RGS8: variants seen among roughly 807,000 people sequenced by gnomAD.
The protein encoded by RGS8 is regulator of G protein signaling 8.
In RGS8, 8 loss-of-function variants were observed where a neutral mutation model predicts 21.7. That is an observed-to-expected ratio of 0.37 (90% CI 0.22 to 0.66). The LOEUF (loss-of-function observed/expected upper bound fraction) is 0.66, where lower values mean the gene tolerates loss of function less well. Ranked by LOEUF, RGS8 falls within the 30% of genes least tolerant of loss-of-function variation. The probability of loss-of-function intolerance (pLI) is 0.59; values close to 1 mark genes in which losing one functional copy is unlikely to be tolerated. For synonymous variants in RGS8, 80 were observed against 83.6 expected, an observed-to-expected ratio of 0.96 and a Z score of 0.24; for missense variants, 157 against 217.9, an observed-to-expected ratio of 0.72 and a Z score of 1.76.
the RGS8 span, among the ~76,000 whole-genome samples, chr1:182,700,342 A>G: frequency 6.6e-6 from 1 of 152,188 alleles, no homozygotes; most frequent in East Asian, 1.9e-4. Context: ...GACCCCCAAA[A>G]CATTCCCCGC....
the RGS8 span, among the ~76,000 whole-genome samples, chr1:182,739,761 C>A: frequency 6.6e-6 from 1 of 152,110 alleles, no homozygotes; most frequent in Non-Finnish European, 1.5e-5. Flanking sequence ...GGGCAGCCCA[C>A]CCAGAAGCCC....
intron 3 of RGS8, among the ~76,000 whole-genome samples, chr1:182,667,943 A>G (rs1663954371): frequency 6.6e-6 from 1 of 152,080 alleles, no homozygotes; most frequent in African/African-American, 2.4e-5. Flanking sequence ...CAGCCTCCTG[A>G]GTAGCCGGGA....
exon 4 of RGS8, chr1:182,666,881 C>T (rs748648363): frequency 1.5e-5 from 24 of 1,613,682 alleles, no homozygotes; most frequent in Admixed American, 1.3e-4. Context: ...CTTGAGAGCG[C>T]GGTTGGGTTT....
chr1:182,650,033 T>G (rs2102408916), intron 5 of RGS8, among the ~76,000 whole-genome samples: 1 of 151,782 alleles, frequency 6.6e-6, no homozygotes, highest in South Asian at 2.1e-4. Context: ...TGCCTCAGCC[T>G]CCCAAATAGC....
At chr1:182,727,329 T>C in the RGS8 span, among the ~76,000 whole-genome samples, 1 of 152,234 alleles carries the variant, frequency 6.6e-6, no homozygotes, top group Non-Finnish European at 1.5e-5. Flanking sequence ...AATGAGTTAA[T>C]CTAGAAAGAA....
At chr1:182,680,777 G>A (rs761093411) in intron 1 of RGS8, among the ~76,000 whole-genome samples, 9 of 152,168 alleles carry the variant, frequency 5.9e-5, no homozygotes, top group Non-Finnish European at 8.8e-5. Context: ...CACGGTCCCC[G>A]GCAACAGGAA....
rs986342012 is a variant in RGS8, at chr1:182,684,361, G to C, written n.216C>G. The stretch of plus-strand genomic sequence containing the variant: ...AGCTGCTCTTTCTTACCTGCCTGGC[G>C]GTGGGCAGCGCAGCTGGGAAGGTGT... On this transcript the variant is annotated non_coding_transcript_exon_variant, in exon 1 of 5. Coordinates refer to the RGS8 transcript ENST00000515211. This position sits in a 1 kb window ranked among gnomAD's most constrained non-coding sequence, Gnocchi z 4.2. 1 of 152,664 alleles carries C rather than the reference G, an allele frequency of 6.6e-6. No individual in the cohort carries two copies. Among genetic ancestry groups the C allele is most frequent in the Admixed American group, 6.5e-5 (1 of 15,298 alleles). The allele number at this position is 152,664 out of a possible 1,614,324, so 9.5% of individuals were successfully genotyped here.
the RGS8 span, among the ~76,000 whole-genome samples, chr1:182,713,250 C>T: frequency 1.3e-5 from 2 of 151,636 alleles, no homozygotes; most frequent in Non-Finnish European, 2.9e-5. Context: ...GTGGTGTGAT[C>T]TCGGCTCACT....
the RGS8 span, among the ~76,000 whole-genome samples, chr1:182,746,759 T>C: frequency 6.6e-6 from 1 of 152,060 alleles, no homozygotes; most frequent in Non-Finnish European, 1.5e-5. Context: ...TTTCCCAACT[T>C]AGGACATCTG....
exon 7 of RGS8, chr1:182,646,711 T>G (rs776573054): frequency 1.3e-6 from 2 of 1,593,254 alleles, no homozygotes; most frequent in Admixed American, 1.8e-5. Flanking sequence ...AAGCCGGTGA[T>G]TTCCAGGAGT....
At chr1:182,708,473 CCT>C in the RGS8 span, among the ~76,000 whole-genome samples, 27 of 152,320 alleles carry the variant, frequency 1.8e-4, no homozygotes, top group African/African-American at 6.3e-4. Flanking sequence ...TCCCCACACC[CCT>C]GAGATGATAT....
At chr1:182,733,363 C>A in the RGS8 span, among the ~76,000 whole-genome samples, 11 of 152,152 alleles carry the variant, frequency 7.2e-5, no homozygotes, top group Non-Finnish European at 1.3e-4. Context: ...GATTATGATG[C>A]TACATTTTAA....
At chr1:182,751,442 GAC>G in the RGS8 span, among the ~76,000 whole-genome samples, 1 of 152,166 alleles carries the variant, frequency 6.6e-6, no homozygotes, top group African/African-American at 2.4e-5. Context: ...TAATAAGACA[GAC>G]ACAGTCCCTG....
chr1:182,687,685 C>T (rs920441488), upstream of RGS8, among the ~76,000 whole-genome samples: 4 of 152,246 alleles, frequency 2.6e-5, no homozygotes, highest in Non-Finnish European at 4.4e-5. Context: ...CAGGGACTCT[C>T]TTTCATCTTT....
the RGS8 span, among the ~76,000 whole-genome samples, chr1:182,717,450 G>A: frequency 6.6e-6 from 1 of 152,178 alleles, no homozygotes; most frequent in African/African-American, 2.4e-5. Flanking sequence ...AAATTGTTGA[G>A]ATAAGATGAC....
At chr1:182,673,115 C>T (rs1000369287), upstream of RGS8, among the ~76,000 whole-genome samples, 3 of 152,312 alleles carry the variant, frequency 2.0e-5, no homozygotes, top group African/African-American at 4.8e-5. Flanking sequence ...AGTCTACACT[C>T]CCACTCAGGA....
chr1:182,724,059 C>T, the RGS8 span, among the ~76,000 whole-genome samples: 7 of 150,676 alleles, frequency 4.6e-5, no homozygotes, highest in South Asian at 6.3e-4. Context: ...GTGAGGGTGT[C>T]GGCAAAGGAG....
At chr1:182,665,745 T>C (rs1399926708) in intron 5 of RGS8, among the ~76,000 whole-genome samples, 2 of 152,196 alleles carry the variant, frequency 1.3e-5, no homozygotes, top group Admixed American at 6.5e-5. Flanking sequence ...CTTGGGATCA[T>C]ACTTTGAACC....
chr1:182,702,048 G>C, the RGS8 span, among the ~76,000 whole-genome samples: 1 of 152,162 alleles, frequency 6.6e-6, no homozygotes. Flanking sequence ...AGAACTTAGA[G>C]CTGCCATCTG....
Sources: gnomAD v4.1 joint callset for allele counts (sites outside exome capture counted in the v4.1 genomes callset) on GRCh38, gnomAD v4.1.1 for gene constraint, Gnocchi (gnomAD v3.1) non-coding constraint, MANE v1.5 for transcripts, NCBI Gene and HGNC (gene_info 2026-07-23, HGNC 2026-07-21) for gene names.